CAPN13: variants seen among roughly 807,000 people sequenced by gnomAD.
CAPN13 encodes the protein calpain-13.
CAPN13 carries 90 observed loss-of-function variants against 98.4 expected under a neutral mutation model. The ratio of observed to expected loss-of-function variants is 0.92; its 90% CI spans 0.77 to 1.09. The LOEUF is 1.09. Ranked by LOEUF, CAPN13 falls within the 50% of genes least tolerant of loss-of-function variation. The pLI is 0.00. For synonymous variants in CAPN13, 330 were observed against 305.5 expected (o/e 1.08, Z -0.84); for missense variants, 887 against 841.3 (o/e 1.05, Z -0.67).
chr2:30,742,081 T>C (rs540721712), intron 14 of CAPN13, 117 bp from the exon 15 acceptor site: 189 of 1,046,702 alleles, frequency 1.8e-4, no homozygotes, highest in Non-Finnish European at 2.5e-4. Context: ...TATTGGGCAG[T>C]TGGAAAAAGC....
intron 22 of CAPN13, chr2:30,729,687 C>T (rs201081911): frequency 3.9e-5 from 6 of 152,280 alleles, no homozygotes; most frequent in South Asian, 2.1e-4. Context: ...AAGCATCAAG[C>T]GTTCATCAGG....
intron 11 of CAPN13, chr2:30,746,768 T>C (rs1025345493): frequency 6.3e-6 from 1 of 158,590 alleles, no homozygotes; most frequent in African/African-American, 2.4e-5. Flanking sequence ...TGGTCACTCA[T>C]GCTCTGTGTG....
At position 30,733,550 on chromosome 2, in the gene CAPN13, C is replaced by T. The variant is rs543733251; in HGVS notation, c.1798+899G>A. On this transcript the variant is annotated intron_variant, in intron 19 of 22. Transcript: ENST00000295055. ...CAGGGGCATGAGCATCCCCTGGGAG[C>T]TTGTTAGAAATGCAAATTCCTGAGC... is the stretch of plus-strand genomic sequence containing the variant. 8.0e-4 allele frequency among the ~76,000 whole-genome samples: 122 copies of T among 152,118 alleles called. 1 individual carries two copies. Among genetic ancestry groups the T allele is most frequent in the African/African-American group, 2.9e-3 (120 of 41,482 alleles).
chr2:30,802,517 G>A (rs1300197795), intron 1 of CAPN13, among the ~76,000 whole-genome samples: 1 of 142,796 alleles, frequency 7.0e-6, no homozygotes, highest in Admixed American at 6.9e-5. Flanking sequence ...GTCTAAGTGA[G>A]TGAGTGAAGC....
chr2:30,728,863 C>G (rs1670955012), intron 22 of CAPN13, among the ~76,000 whole-genome samples: 1 of 152,100 alleles, frequency 6.6e-6, no homozygotes, highest in African/African-American at 2.4e-5. Context: ...GAAATCTCAA[C>G]TGAAGCAGTT....
rs1446700131 is a variant in CAPN13 at position 30,788,197 on chromosome 2, C to T, written c.-32-840G>A. On this transcript the variant is annotated intron_variant, in intron 1 of 22. Transcript: ENST00000295055. ...TACATACTGCTTCTGCAATTTGGAGCGAATATTCAAGCCTGTGAACCTATT... is the reference window on the plus strand; with the variant it reads ...TACATACTGCTTCTGCAATTTGGAGTGAATATTCAAGCCTGTGAACCTATT... Among the ~76,000 whole-genome samples, 12 of 152,274 alleles carry T rather than the reference C, an allele frequency of 7.9e-5. No homozygotes were observed. The East Asian group carries it at 1.9e-3, about 24-fold the overall frequency.
intron 8 of CAPN13, among the ~76,000 whole-genome samples, chr2:30,757,310 C>T (rs1182870676): frequency 2.0e-5 from 3 of 152,218 alleles, no homozygotes; most frequent in Non-Finnish European, 4.4e-5. Context: ...CAGCAAGGGG[C>T]TGGGGGCCTA....
intron 8 of CAPN13, among the ~76,000 whole-genome samples, chr2:30,755,989 G>C (rs894362525): frequency 6.6e-6 from 1 of 151,986 alleles, no homozygotes; most frequent in African/African-American, 2.4e-5. Flanking sequence ...CCACCTGCTT[G>C]GAGACAGTGA....
chr2:30,745,797 A>T, intron 11 of CAPN13, 63 bp from the exon 12 acceptor site: 1 of 1,455,204 alleles, frequency 6.9e-7, no homozygotes, highest in Non-Finnish European at 9.4e-7. Flanking sequence ...GGCAAGCAGA[A>T]CCGAACAGCT....
chr2:30,731,335 G>A lies in CAPN13; in HGVS notation c.1983+9C>T. 2 of 1,607,840 alleles carry A rather than the reference G, an allele frequency of 1.2e-6. No homozygotes were observed. Among genetic ancestry groups the A allele is most frequent in the South Asian group, 1.1e-5 (1 of 90,070 alleles). On this transcript the variant is annotated intron_variant, in intron 21 of 22. Coordinates refer to ENST00000295055, the MANE Select transcript of CAPN13 (RefSeq NM_144575.3). ...CTGTGCCTGCCCCGGGGAGGGGAAG[G>A]TACCTCACCTCCATTTCTGTCAGGT...
At position 30,732,480 on chromosome 2, in the gene CAPN13, G is replaced by A. The variant is rs550957766; in HGVS notation, c.1885C>T (p.Pro629Ser). Residue 629 changes from proline (P) to serine (S), a missense_variant, in exon 20 of 23, where the codon CCC (proline) becomes TCC (serine). Physicochemically the swap from Pro to Ser is moderately conservative, Grantham distance 74 (BLOSUM62 -1). Transcript: ENST00000295055. The stretch of plus-strand genomic sequence containing the variant: ...CGCATCAGGAAGCAGACCAGGCTGG[G>A]GAAGCTGACCCTGCCGACGCTGTCG... ...YSDSVGRVSF[P>S]SLVCFLMRLE... 3.7e-6 allele frequency: 6 copies of A among 1,613,542 alleles called. No homozygotes were observed. The highest frequency in any genetic ancestry group is 2.2e-5 in the East Asian group (1 of 44,874).
intron 2 of CAPN13, among the ~76,000 whole-genome samples, chr2:30,784,582 A>G (rs1674161732): frequency 6.6e-6 from 1 of 152,222 alleles, no homozygotes; most frequent in South Asian, 2.1e-4. Flanking sequence ...CACATGAGGT[A>G]GAAGATTCTA....
At chr2:30,749,721 G>C (rs1045708072) in intron 11 of CAPN13, among the ~76,000 whole-genome samples, 1 of 151,440 alleles carries the variant, frequency 6.6e-6, no homozygotes, top group African/African-American at 2.4e-5. Flanking sequence ...CGGGGCCTCA[G>C]TCTCTTCAAC....
chr2:30,797,667 C>T (rs1028490314), intron 1 of CAPN13, among the ~76,000 whole-genome samples: 2 of 152,238 alleles, frequency 1.3e-5, no homozygotes, highest in African/African-American at 2.4e-5. Flanking sequence ...TACAACCCTG[C>T]ACCAGCTGGT....
chr2:30,739,803 A>G (rs1441594987), intron 15 of CAPN13, among the ~76,000 whole-genome samples: 1 of 152,170 alleles, frequency 6.6e-6, no homozygotes, highest in African/African-American at 2.4e-5. Context: ...GAGGGTAGGA[A>G]TAGAGTGAGG....
intron 2 of CAPN13, among the ~76,000 whole-genome samples, chr2:30,782,767 A>C (rs1187250262): frequency 6.6e-6 from 1 of 152,240 alleles, no homozygotes; most frequent in Non-Finnish European, 1.5e-5. Context: ...CTTTTACTAT[A>C]AAATGGGTAC....
chr2:30,744,735 G>C (rs899900500), intron 12 of CAPN13, among the ~76,000 whole-genome samples: 1 of 152,140 alleles, frequency 6.6e-6, no homozygotes, highest in African/African-American at 2.4e-5. Context: ...GGAACAACGT[G>C]GGGGTTCTTG....
At chr2:30,741,859 T>C (rs1297567549) in intron 15 of CAPN13, 49 bp downstream of exon 15, 1 of 1,613,350 alleles carries the variant, frequency 6.2e-7, no homozygotes, top group Non-Finnish European at 8.5e-7. Flanking sequence ...CTCCCTCAGG[T>C]CCCCTTTCTC....
intron 15 of CAPN13, among the ~76,000 whole-genome samples, chr2:30,739,655 T>C (rs1241950301): frequency 4.6e-5 from 7 of 151,920 alleles, no homozygotes; most frequent in African/African-American, 1.7e-4. Context: ...TAATGAGGAG[T>C]TCCAACTTCC....
Sources: gnomAD v4.1 joint callset for allele counts (sites outside exome capture counted in the v4.1 genomes callset) on GRCh38, gnomAD v4.1.1 for gene constraint, MANE v1.5 for transcripts, NCBI Gene and HGNC (gene_info 2026-07-23, HGNC 2026-07-21) for gene names.